CTIF: variants seen among roughly 807,000 people sequenced by gnomAD.
CTIF encodes the protein CBP80/20-dependent translation initiation factor.
Under a neutral mutation model 66.0 loss-of-function variants are expected in CTIF, and 21 were observed. The observed-to-expected ratio is 0.32, with a 90% confidence interval of 0.23 to 0.46. The LOEUF (loss-of-function observed/expected upper bound fraction) is 0.46, where lower values mean the gene tolerates loss of function less well. Ranked by LOEUF, CTIF falls within the 20% of genes least tolerant of loss-of-function variation. The probability of loss-of-function intolerance (pLI) is 1.00; values close to 1 mark genes in which losing one functional copy is unlikely to be tolerated. For missense variants in CTIF, 739 were observed against 812.7 expected, an observed-to-expected ratio of 0.91 and a Z score of 1.10; for synonymous variants, 345 against 326.4, an observed-to-expected ratio of 1.06 and a Z score of -0.62.
chr18:48,540,787 C>T (rs552051924), intron 1 of CTIF, among the ~76,000 whole-genome samples: 195 of 152,216 alleles, frequency 1.3e-3, no homozygotes, highest in Non-Finnish European at 1.6e-3. Context: ...GGGCCCCGAT[C>T]CTCCGCGCGA....
At chr18:48,736,198 C>T (rs1314260035) in intron 7 of CTIF, among the ~76,000 whole-genome samples, 3 of 152,196 alleles carry the variant, frequency 2.0e-5, no homozygotes, top group African/African-American at 2.4e-5. Flanking sequence ...CATTCCGTCC[C>T]GCATAGCCCC....
intron 3 of CTIF, among the ~76,000 whole-genome samples, chr18:48,642,270 T>C (rs2090948379): frequency 1.3e-5 from 2 of 152,136 alleles, no homozygotes; most frequent in Admixed American, 6.5e-5. Context: ...CCCAAAGAGA[T>C]GTCATCCTGG....
At chr18:48,542,997 A>C (rs1170282525) in intron 1 of CTIF, among the ~76,000 whole-genome samples, 1 of 152,194 alleles carries the variant, frequency 6.6e-6, no homozygotes, top group Admixed American at 6.5e-5. Context: ...GCTTTGGTCA[A>C]GGTCTCACTC....
At chr18:48,603,739 G>A (rs923719189) in intron 1 of CTIF, among the ~76,000 whole-genome samples, 1 of 152,140 alleles carries the variant, frequency 6.6e-6, no homozygotes, top group Non-Finnish European at 1.5e-5. Context: ...TTGCTGGCTG[G>A]CTGGAGCTGC....
intron 2 of CTIF, among the ~76,000 whole-genome samples, chr18:48,636,158 G>A (rs1350853663): frequency 6.6e-6 from 1 of 152,180 alleles, no homozygotes; most frequent in African/African-American, 2.4e-5. Context: ...CTCTTTCCTG[G>A]TGCCAAACCC....
intron 9 of CTIF, among the ~76,000 whole-genome samples, chr18:48,815,406 C>A (rs1363480263): frequency 1.3e-5 from 2 of 152,344 alleles, no homozygotes; most frequent in East Asian, 3.8e-4. Flanking sequence ...TAGGACCTGC[C>A]TTATAGGACC....
At chr18:48,737,245 A>C (rs567498898) in intron 7 of CTIF, among the ~76,000 whole-genome samples, 135 of 152,308 alleles carry the variant, frequency 8.9e-4, no homozygotes, top group African/African-American at 3.2e-3. Flanking sequence ...CTCATTTTGC[A>C]GCAAGAGCTG....
intron 1 of CTIF, among the ~76,000 whole-genome samples, chr18:48,618,734 G>C (rs1464483723): frequency 6.6e-6 from 1 of 152,234 alleles, no homozygotes. Flanking sequence ...TTGCAGTTCT[G>C]TTGGTGGACT....
chr18:48,753,503 T>G (rs899946575), intron 7 of CTIF, among the ~76,000 whole-genome samples: 25 of 152,144 alleles, frequency 1.6e-4, no homozygotes, highest in Non-Finnish European at 3.1e-4. Context: ...AAGAGAGCAG[T>G]CTTAGAGTAA....
chr18:48,686,152 A>G (rs2091837673), intron 6 of CTIF, among the ~76,000 whole-genome samples: 2 of 152,214 alleles, frequency 1.3e-5, no homozygotes. Context: ...AAAAAATTCC[A>G]TCTACATTTA....
At chr18:48,635,299 T>TTTTTTCTTTCTC (rs1568091420) in intron 2 of CTIF, among the ~76,000 whole-genome samples, 1 of 133,684 alleles carries the variant, frequency 7.5e-6, no homozygotes, top group Non-Finnish European at 1.6e-5. Flanking sequence ...GCTTTTTCTT[T>TTTTTTCTTTCTC]TTTTTCTTTT....
chr18:48,744,119 C>T (rs940188794), intron 7 of CTIF, among the ~76,000 whole-genome samples: 1 of 152,112 alleles, frequency 6.6e-6, no homozygotes, highest in Non-Finnish European at 1.5e-5. Context: ...GAGGGTTTGG[C>T]CACCCTTCAG....
At chr18:48,789,282 G>A (rs1441593629) in intron 9 of CTIF, among the ~76,000 whole-genome samples, 4 of 151,904 alleles carry the variant, frequency 2.6e-5, no homozygotes, top group South Asian at 2.1e-4. Context: ...GACTAGTTGT[G>A]TAACCTTGAA....
intron 1 of CTIF, among the ~76,000 whole-genome samples, chr18:48,542,290 C>A (rs1174933857): frequency 6.6e-6 from 1 of 152,178 alleles, no homozygotes; most frequent in Non-Finnish European, 1.5e-5. Context: ...TATGCCTGTT[C>A]ATGTAACACT....
intron 1 of CTIF, among the ~76,000 whole-genome samples, chr18:48,547,360 T>C (rs946568597): frequency 6.6e-6 from 1 of 152,190 alleles, no homozygotes; most frequent in African/African-American, 2.4e-5. Context: ...CCTGTGCAGA[T>C]TGCAGTTGCT....
intron 1 of CTIF, among the ~76,000 whole-genome samples, chr18:48,555,623 G>A (rs553456803): frequency 6.6e-6 from 1 of 152,352 alleles, no homozygotes; most frequent in East Asian, 1.9e-4. Flanking sequence ...ACCTCCCCCT[G>A]GGCCTGCCAG....
chr18:48,595,843 G>A (rs2089978941), intron 1 of CTIF, among the ~76,000 whole-genome samples: 1 of 152,182 alleles, frequency 6.6e-6, no homozygotes, highest in Admixed American at 6.5e-5. Flanking sequence ...TGCGGGAAGA[G>A]CCACTTCCAA....
chr18:48,663,617 TCTGA>T, intron 3 of CTIF, 131 bp from the exon 4 acceptor site: 6 of 765,490 alleles, frequency 7.8e-6, no homozygotes, highest in South Asian at 1.6e-5. Context: ...GTCCCCTGAC[TCTGA>T]CTGGGTGCAC....
intron 1 of CTIF, among the ~76,000 whole-genome samples, chr18:48,613,388 A>C (rs936411340): frequency 1.3e-5 from 2 of 151,966 alleles, no homozygotes; most frequent in African/African-American, 4.8e-5. Context: ...GTTCACAGAA[A>C]CCCCTTCCAG....
Sources: gnomAD v4.1 joint callset for allele counts (sites outside exome capture counted in the v4.1 genomes callset) on GRCh38, gnomAD v4.1.1 for gene constraint, MANE v1.5 for transcripts, NCBI Gene and HGNC (gene_info 2026-07-23, HGNC 2026-07-21) for gene names.